Variants in DCN observed in about 807,000 individuals in gnomAD.
DCN encodes bone proteoglycan II.
Under a neutral mutation model 36.5 loss-of-function variants are expected in DCN, and 17 were observed. That is an observed-to-expected ratio of 0.47 (90% CI 0.32 to 0.70). The LOEUF is 0.70. DCN is among the 30% of genes least tolerant of loss of function. The pLI, the probability that DCN is intolerant of heterozygous loss-of-function variation, is 0.04. For missense variants in DCN, 389 were observed against 430.1 expected, an observed-to-expected ratio of 0.90 and a Z score of 0.84; for synonymous variants, 163 against 161.4, an observed-to-expected ratio of 1.01 and a Z score of -0.07.
chr12:91,167,617 G>A (rs774544824), intron 2 of DCN, among the ~76,000 whole-genome samples: 2 of 151,966 alleles, frequency 1.3e-5, no homozygotes, highest in Non-Finnish European at 2.9e-5. Flanking sequence ...GTTAGGTTTG[G>A]TATTGACTTT....
At position 91,157,170 on chromosome 12, in the gene DCN, A is replaced by G; in HGVS notation, c.557T>C (p.Leu186Pro). 6.2e-7 allele frequency: 1 copy of G among 1,613,626 alleles called. No homozygotes were observed. The highest frequency in any genetic ancestry group is 8.5e-7 in the Non-Finnish European group (1 of 1,179,538). ...CCCATTTTCAATTCCTGAGCTCTTCAGCGGATTGGTGCCCAGTTCTACAAA... is the reference window on the plus strand; with the variant it reads ...CCCATTTTCAATTCCTGAGCTCTTCGGCGGATTGGTGCCCAGTTCTACAAA... ...MIVIELGTNP[L>P]KSSGIENGAF... The change falls in exon 5 of 8, where the codon CTG becomes CCG. Residue 186 changes from leucine (L) to proline (P), a missense_variant. Leu to Pro is a moderately conservative substitution (Grantham distance 98). Coordinates refer to ENST00000052754, the MANE Select transcript of DCN (RefSeq NM_001920.5).
intron 2 of DCN, 64 bp from the exon 3 acceptor site, chr12:91,164,781 G>A: frequency 3.7e-6 from 3 of 820,454 alleles, no homozygotes; most frequent in East Asian, 2.4e-5. Flanking sequence ...GAATCACACA[G>A]CATATATTTA....
chr12:91,166,614 C>G (rs1456537011), intron 2 of DCN, among the ~76,000 whole-genome samples: 2 of 152,242 alleles, frequency 1.3e-5, no homozygotes, highest in East Asian at 3.9e-4. Context: ...TCTAGTGACT[C>G]TCAACATTTT....
intron 7 of DCN, among the ~76,000 whole-genome samples, chr12:91,148,990 T>TG (rs1881234182): frequency 6.6e-6 from 1 of 152,138 alleles, no homozygotes; most frequent in Non-Finnish European, 1.5e-5. Context: ...AAGGGGTGTT[T>TG]GGTGAGCAAT....
intron 3 of DCN, among the ~76,000 whole-genome samples, chr12:91,163,584 A>G (rs1017997927): frequency 1.4e-4 from 21 of 151,812 alleles, no homozygotes; most frequent in African/African-American, 5.1e-4. Flanking sequence ...CCTCCATGAA[A>G]CCCCTTTGTG....
chr12:91,165,296 C>T (rs1335725241), intron 2 of DCN, among the ~76,000 whole-genome samples: 2 of 152,060 alleles, frequency 1.3e-5, no homozygotes, highest in Non-Finnish European at 2.9e-5. Flanking sequence ...AAACAATATC[C>T]ATTTCAGTTG....
intron 2 of DCN, among the ~76,000 whole-genome samples, chr12:91,174,929 G>T (rs939875495): frequency 6.6e-6 from 1 of 152,120 alleles, no homozygotes; most frequent in African/African-American, 2.4e-5. Flanking sequence ...ACTACCTGGT[G>T]ACACTTGATC....
intron 3 of DCN, among the ~76,000 whole-genome samples, chr12:91,162,358 A>G (rs1882216967): frequency 6.6e-6 from 1 of 152,126 alleles, no homozygotes; most frequent in Non-Finnish European, 1.5e-5. Flanking sequence ...TGCTTTTCCC[A>G]TCTTGGCTAT....
chr12:91,169,423 T>TA (rs1204950660), intron 2 of DCN, among the ~76,000 whole-genome samples: 2 of 148,872 alleles, frequency 1.3e-5, no homozygotes, highest in African/African-American at 2.5e-5. Flanking sequence ...AAGCTATTTT[T>TA]AAAAAAAGCA....
At chr12:91,175,988 G>A (rs1883266557) in intron 2 of DCN, 1 of 152,032 alleles carries the variant, frequency 6.6e-6, no homozygotes, top group African/African-American at 2.4e-5. Context: ...GGATTTCTAA[G>A]ACTGTGATTT....
At chr12:91,155,261 T>C (rs540941009) in intron 5 of DCN, among the ~76,000 whole-genome samples, 7 of 152,282 alleles carry the variant, frequency 4.6e-5, no homozygotes, top group African/African-American at 1.7e-4. Context: ...TTTCCACTTT[T>C]ATGAAACAGG....
chr12:91,146,351 C>CTTTTTTTTTTT lies in DCN; in HGVS notation c.886-110_886-100dup, dbSNP rs376886852. The CTTTTTTTTTTT allele has an allele frequency of 4.7e-5, 15 of 318,286 alleles. No homozygotes were observed. In the African/African-American group the frequency reaches 5.4e-4, roughly 12 times the overall value. 19.7% of individuals were successfully genotyped at this position (318,286 alleles called of 1,614,324 possible). ...TTTTTTATTATTTTTTAATCCTTCACTTTTTTTTTTTTTTTTTTTTTTTGA... is the reference window on the plus strand; with the variant it reads ...TTTTTTATTATTTTTTAATCCTTCACTTTTTTTTTTTTTTTTTTTTTTTTTTTTTTTTTTGA... On this transcript the variant is annotated intron_variant, in intron 7 of 7. Transcript: ENST00000052754.
intron 2 of DCN, among the ~76,000 whole-genome samples, chr12:91,169,378 CAAAAAA>C (rs58056993): frequency 4.1e-5 from 3 of 73,408 alleles, no homozygotes; most frequent in African/African-American, 5.5e-5. Context: ...GAGATCCTGT[CAAAAAA>C]AAAAAAAAAA....
intron 5 of DCN, among the ~76,000 whole-genome samples, chr12:91,155,842 T>C (rs1881734656): frequency 6.6e-6 from 1 of 152,156 alleles, no homozygotes; most frequent in Middle Eastern, 3.2e-3. Flanking sequence ...GTCAAAAGCA[T>C]GCTCTGTATT....
intron 2 of DCN, among the ~76,000 whole-genome samples, chr12:91,168,128 G>A (rs1882706532): frequency 6.6e-6 from 1 of 152,166 alleles, no homozygotes; most frequent in Admixed American, 6.5e-5. Context: ...ACCGTGCCTA[G>A]CCGTGGTGTG....
chr12:91,161,768 T>C (rs1187107314), intron 3 of DCN, among the ~76,000 whole-genome samples: 1 of 152,226 alleles, frequency 6.6e-6, no homozygotes, highest in Admixed American at 6.5e-5. Flanking sequence ...CTTCTGCTGA[T>C]CGTCTAAAAC....
At position 91,172,742 on chromosome 12, in the gene DCN, AC is replaced by A. The variant is rs1159684992; in HGVS notation, c.211+5599del. 4.3e-6 allele frequency: 3 copies of A among 699,580 alleles called. No homozygotes were observed. The African/African-American group carries it at 5.3e-5, about 12-fold the overall frequency. The allele number at this position is 699,580 out of a possible 1,614,324, so 43.3% of individuals were successfully genotyped here. ...TATTCATCCAAGCATTAATTCAAGA[AC>A]CAAGCCATGCATATGTTCGTGTATT... On this transcript the variant is annotated intron_variant, in intron 2 of 7. Transcript: ENST00000052754.
At position 91,140,759 on chromosome 12, in the gene DCN, CA is replaced by C. The variant is rs1382788611; in HGVS notation, c.*5298del. On this transcript the variant is annotated 3_prime_UTR_variant, in exon 8 of 8. Coordinates refer to ENST00000052754, the MANE Select transcript of DCN (RefSeq NM_001920.5). The stretch of plus-strand genomic sequence containing the variant: ...CCATATGGAAGTTGAATATGCATCT[CA>C]AAAAGAACAGATTCAAAACCAGATA... The C allele has an allele frequency of 8.5e-5, 13 of 152,282 alleles. No homozygotes were observed. Among genetic ancestry groups the C allele is most frequent in the Non-Finnish European group, 1.6e-4 (11 of 68,014 alleles). 9.4% of individuals were successfully genotyped at this position (152,282 alleles called of 1,614,324 possible).
At chr12:91,164,785 A>G (rs1882438563) in intron 2 of DCN, 68 bp from the exon 3 acceptor site, 2 of 804,402 alleles carry the variant, frequency 2.5e-6, no homozygotes. Flanking sequence ...CACACAGCAT[A>G]TATTTACCAA....
Sources: allele counts gnomAD v4.1 joint callset (sites outside exome capture counted in the v4.1 genomes callset), GRCh38; gene constraint gnomAD v4.1.1; transcripts MANE v1.5; gene names NCBI Gene and HGNC (gene_info 2026-07-23, HGNC 2026-07-21).